Variants in TEX2 observed in about 807,000 individuals in gnomAD.
TEX2 encodes the protein testis expressed 2.
TEX2 carries 53 observed loss-of-function variants against 106.9 expected under a neutral mutation model. That is an observed-to-expected ratio of 0.50 (90% CI 0.40 to 0.62). The LOEUF (loss-of-function observed/expected upper bound fraction) is 0.62. Ranked by LOEUF, TEX2 falls within the 20% of genes least tolerant of loss-of-function variation. The pLI, the probability that TEX2 is intolerant of heterozygous loss-of-function variation, is 0.00. For missense variants in TEX2, 1,207 were observed against 1,379.0 expected, an observed-to-expected ratio of 0.88 and a Z score of 1.98; for synonymous variants, 523 against 534.8, an observed-to-expected ratio of 0.98 and a Z score of 0.30.
At chr17:64,208,105 C>T (rs1555630999) in intron 2 of TEX2, among the ~76,000 whole-genome samples, 1 of 152,166 alleles carries the variant, frequency 6.6e-6, no homozygotes, top group Non-Finnish European at 1.5e-5. Flanking sequence ...CACAGGAGAG[C>T]AGACTTGGGT....
chr17:64,255,494 T>C (rs1174199380), intron 1 of TEX2, among the ~76,000 whole-genome samples: 3 of 152,212 alleles, frequency 2.0e-5, no homozygotes, highest in African/African-American at 7.2e-5. Context: ...TTAGCAAAAG[T>C]TGATAATTAT....
chr17:64,181,472 C>T (rs12936741), intron 5 of TEX2, among the ~76,000 whole-genome samples: 4,591 of 25,238 alleles, frequency 0.18, 988 homozygotes, highest in East Asian at 0.34. Context: ...AAGGCTATCT[C>T]AAAAAAAAAA....
In TEX2 at chr17:64,230,428, G is replaced by A. The variant is rs570892850; in HGVS notation, c.-25-16186C>T. ...GCACAGGCATGGTCCTGACCTGGCCGGCTGGCCACCTCATGGTTCCCTGAG... is the reference window on the plus strand; with the variant it reads ...GCACAGGCATGGTCCTGACCTGGCCAGCTGGCCACCTCATGGTTCCCTGAG... On this transcript the variant is annotated intron_variant, in intron 1 of 11. Coordinates refer to ENST00000584379, the MANE Select transcript of TEX2 (RefSeq NM_001288732.2). 2.0e-5 allele frequency among the ~76,000 whole-genome samples: 3 copies of A among 152,330 alleles called. No individual in the cohort carries two copies. The East Asian group carries it at 5.8e-4, about 29-fold the overall frequency.
chr17:64,242,055 G>A (rs187066749), intron 1 of TEX2, among the ~76,000 whole-genome samples: 3 of 152,278 alleles, frequency 2.0e-5, no homozygotes, highest in Non-Finnish European at 2.9e-5. Flanking sequence ...CCCAATGCTG[G>A]CACTGAAATA....
intron 2 of TEX2, among the ~76,000 whole-genome samples, chr17:64,211,973 T>C (rs1251173384): frequency 6.6e-6 from 1 of 152,204 alleles, no homozygotes; most frequent in Non-Finnish European, 1.5e-5. Context: ...ATAGTGAGAC[T>C]CCGTCTCAAT....
rs567673691 is a variant in TEX2, at chr17:64,260,969, G to C, written c.-26+2199C>G. Among the ~76,000 whole-genome samples the C allele has an allele frequency of 2.8e-4, 43 of 152,302 alleles. No individual in the cohort carries two copies. The South Asian group carries it at 8.9e-3, about 32-fold the overall frequency. On this transcript the variant is annotated intron_variant, in intron 1 of 11. Transcript: ENST00000584379. ...CATCAAAAGATACCAGTCAACAGAC[G>C]TGAGGATTAATATAATTTTATATTG...
intron 6 of TEX2, 120 bp from the exon 7 acceptor site, chr17:64,171,319 T>C: frequency 3.9e-6 from 3 of 767,758 alleles, no homozygotes; most frequent in Non-Finnish European, 6.7e-6. Flanking sequence ...ATCATTTATG[T>C]AACGAAAACG....
intron 7 of TEX2, among the ~76,000 whole-genome samples, chr17:64,161,418 A>G (rs1484168537): frequency 2.6e-5 from 4 of 152,180 alleles, no homozygotes; most frequent in South Asian, 2.1e-4. Flanking sequence ...AAAATTCTCC[A>G]GTATTGGGAG....
At chr17:64,214,334 T>G in intron 1 of TEX2, 92 bp from the exon 2 acceptor site, 1 of 1,071,712 alleles carries the variant, frequency 9.3e-7, no homozygotes, top group South Asian at 1.6e-5. Flanking sequence ...TGAAGCTGTT[T>G]AAGTGGTGAT....
chr17:64,247,973 G>C (rs1184052349), intron 1 of TEX2, among the ~76,000 whole-genome samples: 2 of 152,160 alleles, frequency 1.3e-5, no homozygotes. Flanking sequence ...CCTTTGGATG[G>C]TGAGTGCATG....
At chr17:64,179,690 G>A (rs1340411057) in intron 5 of TEX2, among the ~76,000 whole-genome samples, 2 of 151,912 alleles carry the variant, frequency 1.3e-5, no homozygotes, top group Non-Finnish European at 2.9e-5. Context: ...ACATGTCACT[G>A]CATGACTTTA....
At position 64,205,846 on chromosome 17, in the gene TEX2, T is replaced by C. The variant is rs888934298; in HGVS notation, c.1644+6728A>G. 5.3e-5 allele frequency among the ~76,000 whole-genome samples: 8 copies of C among 152,158 alleles called. No individual in the cohort carries two copies. The highest frequency in any genetic ancestry group is 1.7e-4 in the African/African-American group (7 of 41,438). ...TAGTCAAACTTGCAGGCCATATCTT[T>C]AAAAAAGAGATGGATTATCACTCTG... is the stretch of plus-strand genomic sequence containing the variant. On this transcript the variant is annotated intron_variant, in intron 2 of 11. Transcript: ENST00000584379. The surrounding 1 kb of genome is among the most constrained non-coding windows in gnomAD (Gnocchi z 4.0).
intron 1 of TEX2, among the ~76,000 whole-genome samples, chr17:64,220,172 C>T (rs1388359897): frequency 6.6e-6 from 1 of 152,082 alleles, no homozygotes; most frequent in Admixed American, 6.6e-5. Context: ...ACTCTAATAA[C>T]AAACAACTTG....
intron 1 of TEX2, chr17:64,256,206 C>T (rs955038452): frequency 1.3e-5 from 2 of 152,316 alleles, no homozygotes; most frequent in Non-Finnish European, 2.9e-5. Context: ...CTCATCCACT[C>T]GAAATCAAGT....
chr17:64,165,402 G>A (rs920611221), intron 7 of TEX2, among the ~76,000 whole-genome samples: 1 of 152,060 alleles, frequency 6.6e-6, no homozygotes, highest in African/African-American at 2.4e-5. Context: ...TCCCCCACCC[G>A]ACCCATGTTC....
rs369287988 is a variant in TEX2, at chr17:64,212,623, C to T, written c.1595G>A (p.Arg532Gln). ...ATCCAGAGATCTTGTGTTCCAGTGT[C>T]GCAGATTTTTGTGTAACTTGTGATA... ...HKYHKLHKNL[R>Q]HWNTRSLDIK... Residue 532 changes from arginine (R) to glutamine (Q), a missense_variant, in exon 2 of 12, where the codon CGA becomes CAA. This residue lies in a region of TEX2 where 1,067 missense variants were observed against 1,193.6 expected (regional missense o/e 0.89). Transcript: ENST00000584379. 34 of 1,614,008 alleles carry T rather than the reference C, an allele frequency of 2.1e-5. No individual in the cohort carries two copies. Among genetic ancestry groups the T allele is most frequent in the South Asian group, 3.3e-5 (3 of 91,064 alleles).
At chr17:64,183,344 T>G (rs1205262420) in intron 5 of TEX2, among the ~76,000 whole-genome samples, 16 of 152,262 alleles carry the variant, frequency 1.1e-4, no homozygotes, top group Admixed American at 1.0e-3. Context: ...TCTGTTTAAC[T>G]TTTTGAGGAA....
intron 1 of TEX2, among the ~76,000 whole-genome samples, chr17:64,232,115 C>G (rs1169967610): frequency 6.6e-6 from 1 of 152,120 alleles, no homozygotes; most frequent in Non-Finnish European, 1.5e-5. Context: ...ACATATACAT[C>G]GTAATACAAA....
rs570192650 is a variant in TEX2, at chr17:64,179,223, G to A, written c.2425-1752C>T. On this transcript the variant is annotated intron_variant, in intron 5 of 11. Transcript: ENST00000584379. The stretch of plus-strand genomic sequence containing the variant: ...GTAGCTAGCAAAAGGATTGTAAAAT[G>A]CACCAATCAGTGCCCTATAAAACGC... 3.3e-5 allele frequency among the ~76,000 whole-genome samples: 5 copies of A among 152,268 alleles called. No homozygotes were observed. In the South Asian group the frequency reaches 1.0e-3, roughly 32 times the overall value.
Sources: gnomAD v4.1 joint callset for allele counts (sites outside exome capture counted in the v4.1 genomes callset) on GRCh38, gnomAD v4.1.1 for gene constraint, gnomAD v4.1.1 regional missense constraint, Gnocchi (gnomAD v3.1) non-coding constraint, MANE v1.5 for transcripts, NCBI Gene and HGNC (gene_info 2026-07-23, HGNC 2026-07-21) for gene names.